ING1: variants seen among roughly 807,000 people sequenced by gnomAD.
ING1 encodes the protein inhibitor of growth protein 1.
In ING1, 4 loss-of-function variants were observed where a neutral mutation model predicts 23.1. That is an observed-to-expected ratio of 0.17 (90% CI 0.09 to 0.40). ING1 has a LOEUF of 0.40. ING1 is among the 10% of genes least tolerant of loss of function. The pLI, the probability that ING1 is intolerant of heterozygous loss-of-function variation, is 1.00. For missense variants in ING1, 256 were observed against 393.8 expected (o/e 0.65, Z 2.96); for synonymous variants, 179 against 166.4 (o/e 1.08, Z -0.58).
At chr13:110,713,294 G>A (rs2064059631), upstream of ING1, 2 of 1,270,980 alleles carry the variant, frequency 1.6e-6, no homozygotes, top group Non-Finnish European at 2.0e-6. Flanking sequence ...TGCGGTAGTT[G>A]CTGTGTACCA....
Position 110,719,078 on chromosome 13 carries a change from C to T in ING1, c.137-151C>T. The T allele has an allele frequency of 3.1e-6, 2 of 644,090 alleles. No individual in the cohort carries two copies. The highest frequency in any genetic ancestry group is 3.8e-5 in the South Asian group (2 of 53,088). The allele number at this position is 644,090 out of a possible 1,614,324, so 39.9% of individuals were successfully genotyped here. On this transcript the variant is annotated intron_variant, in intron 1 of 1. Coordinates refer to ENST00000333219, the MANE Select transcript of ING1 (RefSeq NM_198219.3). This position sits in a 1 kb window ranked among gnomAD's most constrained non-coding sequence, Gnocchi z 8.9. ...TGGTTAGCACAGGAACAGATAGGCCCGGGAGAGCCTGTGGCTGGTGGGCTT... is the reference window on the plus strand; with the variant it reads ...TGGTTAGCACAGGAACAGATAGGCCTGGGAGAGCCTGTGGCTGGTGGGCTT...
intron 1 of ING1, chr13:110,715,096 T>TGGCC (rs1311200252): frequency 9.4e-7 from 1 of 1,060,464 alleles, no homozygotes; most frequent in African/African-American, 1.7e-5. Flanking sequence ...TCTGCAGACC[T>TGGCC]GGCCGCCCCG....
upstream of ING1, chr13:110,713,008 C>G: frequency 1.3e-6 from 2 of 1,532,838 alleles, no homozygotes; most frequent in Non-Finnish European, 1.8e-6. Context: ...GCGGCCGCAG[C>G]TCAAAGGACA....
intron 1 of ING1, chr13:110,715,264 G>A: frequency 2.9e-6 from 4 of 1,375,658 alleles, no homozygotes; most frequent in Non-Finnish European, 3.7e-6. Context: ...GTAGGGAAAC[G>A]GAAGAGTTGG....
Position 110,714,289 on chromosome 13 carries a change from C to T in ING1, c.136+4C>T, listed in dbSNP as rs1218005547. The T allele has an allele frequency of 5.2e-6, 8 of 1,551,096 alleles. No homozygotes were observed. The highest frequency in any genetic ancestry group is 1.4e-5 in the African/African-American group (1 of 70,638). ...GAGATCGACGCGAAATACCAAGGTACGGCCGGGTGATGGATGGGCGGGGGC... is the reference window on the plus strand; with the variant it reads ...GAGATCGACGCGAAATACCAAGGTATGGCCGGGTGATGGATGGGCGGGGGC... On this transcript the variant is annotated splice_donor_region_variant and intron_variant, in intron 1 of 1. Transcript: ENST00000333219.
chr13:110,713,350 GT>G (rs1187032114), upstream of ING1: 17 of 1,090,180 alleles, frequency 1.6e-5, no homozygotes, highest in Non-Finnish European at 1.8e-5. Context: ...TCCTGGTCGG[GT>G]TTTCAGCGAA....
At chr13:110,716,045 C>G (rs2064119466) in intron 1 of ING1, 1 of 1,474,172 alleles carries the variant, frequency 6.8e-7, no homozygotes, top group Admixed American at 2.4e-5. Flanking sequence ...GGGGGACCCT[C>G]GGCGCAGAAA....
At chr13:110,714,358 G>C in intron 1 of ING1, 73 bp downstream of exon 1, 1 of 1,337,382 alleles carries the variant, frequency 7.5e-7, no homozygotes, top group Non-Finnish European at 9.6e-7. Flanking sequence ...GCGGAGCCGG[G>C]CCGGTCCTGC....
chr13:110,715,173 CGAGGTCAG>C, intron 1 of ING1: 3 of 1,198,146 alleles, frequency 2.5e-6, no homozygotes, highest in Non-Finnish European at 3.1e-6. Flanking sequence ...AACTTTCCTG[CGAGGTCAG>C]TCAAGGCTTT....
chr13:110,719,253 G>A lies in ING1; in HGVS notation c.161G>A (p.Cys54Tyr). Residue 54 changes from cysteine to tyrosine, a missense_variant, in exon 2 of 2, where the codon TGC becomes TAC. By Grantham distance (194) the Cys-to-Tyr change is radical (BLOSUM62 -2). Around this residue, in one of 3 missense-constraint regions of ING1, gnomAD observed 209 missense variants for 273.8 expected, o/e 0.76. Coordinates refer to ENST00000333219, the MANE Select transcript of ING1 (RefSeq NM_198219.3). The surrounding 1 kb of genome is among the most constrained non-coding windows in gnomAD (Gnocchi z 8.9). ...YQEILKELDE[C>Y]YERFSRETDG... ...GAGATCCTGAAGGAGCTAGACGAGT[G>A]CTACGAGCGCTTCAGTCGCGAGACA... The A allele has an allele frequency of 6.2e-7, 1 of 1,613,120 alleles. No homozygotes were observed. The highest frequency in any genetic ancestry group is 2.2e-5 in the East Asian group (1 of 44,878).
chr13:110,713,570 C>G (rs1442727692), upstream of ING1: 11 of 985,830 alleles, frequency 1.1e-5, no homozygotes, highest in Non-Finnish European at 1.3e-5. Context: ...AGCCCGCAGC[C>G]CCCAGGGCCT....
At chr13:110,718,334 T>TG (rs1211924495) in intron 1 of ING1, among the ~76,000 whole-genome samples, 2 of 152,190 alleles carry the variant, frequency 1.3e-5, no homozygotes, top group East Asian at 3.8e-4. Context: ...GAGGGTCCCT[T>TG]GAACCTGGGA....
upstream of ING1, chr13:110,712,906 A>T (rs1167427370): frequency 5.2e-6 from 8 of 1,529,964 alleles, no homozygotes; most frequent in East Asian, 1.9e-4. Flanking sequence ...ACACAAAGGG[A>T]GGGCGGTGAC....
rs2064178559 is a variant in ING1 at position 110,722,565 on chromosome 13, T to A, written c.*2633T>A. ...CTTGCAATCTAGGAGCCCAGCCCTG[T>A]CCTTTAAGGGCTTGATCTTGAATAA... On this transcript the variant is annotated 3_prime_UTR_variant, in exon 2 of 2. Coordinates refer to ENST00000333219, the MANE Select transcript of ING1 (RefSeq NM_198219.3). 1.2e-5 allele frequency: 1 copy of A among 81,712 alleles called. No homozygotes were observed. The highest frequency in any genetic ancestry group is 3.4e-5 in the Non-Finnish European group (1 of 29,178). 5.1% of individuals were successfully genotyped at this position (81,712 alleles called of 1,614,324 possible). A position where few individuals can be genotyped will look rare whatever the true frequency, so the allele number is the denominator to read the frequency against.
rs986818648 is a variant in ING1 at position 110,715,376 on chromosome 13, G to A, written c.136+1091G>A. The A allele has an allele frequency of 5.3e-6, 8 of 1,499,294 alleles. No homozygotes were observed. In the Middle Eastern group the frequency reaches 9.1e-4, roughly 170 times the overall value. 92.9% of individuals were successfully genotyped at this position (1,499,294 alleles called of 1,614,324 possible). ...TCTATCCGAGACGTAGCTTCGCAGC[G>A]AATTTTATAGGAACTTCATTAGCAT... On this transcript the variant is annotated intron_variant, in intron 1 of 1. Transcript: ENST00000333219.
At chr13:110,717,785 A>T (rs913589479) in intron 1 of ING1, among the ~76,000 whole-genome samples, 1 of 152,212 alleles carries the variant, frequency 6.6e-6, no homozygotes, top group African/African-American at 2.4e-5. Flanking sequence ...AGATCGCGCC[A>T]TTGCACTCCA....
intron 1 of ING1, chr13:110,715,961 C>T (rs765219360): frequency 1.3e-6 from 2 of 1,539,214 alleles, no homozygotes; most frequent in African/African-American, 1.4e-5. Flanking sequence ...CAGTTTCAGG[C>T]CGCATCTCTG....
chr13:110,713,678 C>A, upstream of ING1: 1 of 985,348 alleles, frequency 1.0e-6, no homozygotes, highest in Middle Eastern at 5.2e-4. Context: ...GAATGTTTCC[C>A]AAGTGTTTGA....
At chr13:110,715,995 G>A in intron 1 of ING1, 1 of 1,505,646 alleles carries the variant, frequency 6.6e-7, no homozygotes, top group Non-Finnish European at 8.8e-7. Context: ...GGGGCCGCGC[G>A]TGGCCGTGGA....
Sources: allele counts gnomAD v4.1 joint callset (sites outside exome capture counted in the v4.1 genomes callset), GRCh38; gene constraint gnomAD v4.1.1; regional missense constraint gnomAD v4.1.1; non-coding constraint Gnocchi (gnomAD v3.1); transcripts MANE v1.5; gene names NCBI Gene and HGNC (gene_info 2026-07-23, HGNC 2026-07-21).